EYS: variants seen among roughly 807,000 people sequenced by gnomAD.
EYS encodes protein eyes shut homolog.
Under a neutral mutation model 282.1 loss-of-function variants are expected in EYS, and 250 were observed. That is an observed-to-expected ratio of 0.89 (90% CI 0.80 to 0.98). The LOEUF is 0.98. EYS is among the 50% of genes least tolerant of loss of function. The probability of loss-of-function intolerance (pLI) is 0.00; values close to 1 mark genes in which losing one functional copy is unlikely to be tolerated. For missense variants in EYS, 4,016 were observed against 3,709.0 expected (o/e 1.08, Z -2.15); for synonymous variants, 1,355 against 1,282.9 (o/e 1.06, Z -1.20).
chr6:64,705,607 G>A (rs1203642352), intron 22 of EYS, among the ~76,000 whole-genome samples: 1 of 151,762 alleles, frequency 6.6e-6, no homozygotes, highest in Non-Finnish European at 1.5e-5. Flanking sequence ...ACTGGGTTAA[G>A]AAAATGTGGC....
At position 65,384,496 on chromosome 6, in the gene EYS, T is replaced by C. The variant is rs1365596246; in HGVS notation, c.1189A>G (p.Ile397Val). Residue 397 changes from isoleucine (I) to valine (V), a missense_variant, in exon 8 of 43, where the codon ATA becomes GTA. Coordinates refer to ENST00000503581, the MANE Select transcript of EYS (RefSeq NM_001142800.2). Reference protein sequence around the residue: ...KCEKDYPCSCISGFTEKNCEK... With the variant: ...KCEKDYPCSCVSGFTEKNCEK... Reference sequence around the variant, plus strand: ...CAGTTTTTTTCAGTAAATCCTGATATACAGCTGTAAATACATCAGTGTAAA... The same window carrying C: ...CAGTTTTTTTCAGTAAATCCTGATACACAGCTGTAAATACATCAGTGTAAA... The C allele has an allele frequency of 6.6e-7, 1 of 1,517,434 alleles. No individual in the cohort carries two copies. The highest frequency in any genetic ancestry group is 1.7e-5 in the Admixed American group (1 of 59,586). 94.0% of individuals were successfully genotyped at this position (1,517,434 alleles called of 1,614,324 possible).
In EYS at chr6:64,962,568, C is replaced by CA. The variant is rs560078542; in HGVS notation, c.2260-16655dup. 3.6e-3 allele frequency among the ~76,000 whole-genome samples: 472 copies of CA among 130,336 alleles called. 4 individuals are homozygous for CA. Among genetic ancestry groups the CA allele is most frequent in the African/African-American group, 5.7e-3 (201 of 35,154 alleles). 85.5% of individuals were successfully genotyped at this position (130,336 alleles called of 152,430 possible). On this transcript the variant is annotated intron_variant, in intron 14 of 42. Coordinates refer to ENST00000503581, the MANE Select transcript of EYS (RefSeq NM_001142800.2). ...AACATAGGAAGACACCCTATCTTTACAAAAAAAAAAGAAAAGAAAAAAAAA... is the reference window on the plus strand; with the variant it reads ...AACATAGGAAGACACCCTATCTTTACAAAAAAAAAAAGAAAAGAAAAAAAAA...
chr6:64,859,075 G>A (rs981513634), intron 19 of EYS, among the ~76,000 whole-genome samples: 2 of 151,682 alleles, frequency 1.3e-5, no homozygotes. Context: ...CTCATATATA[G>A]AAAATGCTAA....
At chr6:63,780,941 G>T (rs1770206428) in intron 39 of EYS, among the ~76,000 whole-genome samples, 1 of 152,194 alleles carries the variant, frequency 6.6e-6, no homozygotes, top group Non-Finnish European at 1.5e-5. Flanking sequence ...TGTAAGGAAG[G>T]AATCCAGTTT....
chr6:64,848,121 C>T (rs1192662940), intron 19 of EYS, among the ~76,000 whole-genome samples: 1 of 151,872 alleles, frequency 6.6e-6, no homozygotes, highest in African/African-American at 2.4e-5. Context: ...GTCTACTGCC[C>T]CAGTTCCTGA....
intron 26 of EYS, among the ~76,000 whole-genome samples, chr6:64,555,048 G>A (rs1355276608): frequency 2.0e-5 from 3 of 151,816 alleles, no homozygotes; most frequent in South Asian, 2.1e-4. Flanking sequence ...AAATCAGTAC[G>A]TCAAAAAGAT....
intron 12 of EYS, among the ~76,000 whole-genome samples, chr6:65,253,368 C>T (rs150932884): frequency 2.0e-3 from 308 of 151,946 alleles, no homozygotes; most frequent in Middle Eastern, 0.01. Context: ...TGTGTTGTAG[C>T]TTCTGCCTTT....
intron 36 of EYS, chr6:63,821,223 C>A (rs935253714): frequency 2.1e-5 from 3 of 143,998 alleles, no homozygotes; most frequent in African/African-American, 5.1e-5. Flanking sequence ...TGGAAAATTT[C>A]TTATTTCTAA....
At chr6:63,729,122 T>C (rs913517329) in intron 41 of EYS, among the ~76,000 whole-genome samples, 3 of 152,180 alleles carry the variant, frequency 2.0e-5, no homozygotes, top group Non-Finnish European at 4.4e-5. Flanking sequence ...CTGAATATCT[T>C]CTGTAGTGAG....
chr6:64,200,512 A>G (rs1266862092), intron 31 of EYS, among the ~76,000 whole-genome samples: 2 of 152,158 alleles, frequency 1.3e-5, no homozygotes, highest in Non-Finnish European at 1.5e-5. Flanking sequence ...ATACTAGCCT[A>G]TGGTAAGTAA....
chr6:65,264,713 C>T (rs188560382), intron 12 of EYS, among the ~76,000 whole-genome samples: 1 of 151,906 alleles, frequency 6.6e-6, no homozygotes, highest in Non-Finnish European at 1.5e-5. Flanking sequence ...GAATCTCTTT[C>T]ACTGTTTAAA....
chr6:65,280,865 A>AAT (rs1554178611), intron 12 of EYS, among the ~76,000 whole-genome samples: 4,981 of 135,854 alleles, frequency 0.037, 155 homozygotes, highest in Non-Finnish European at 0.056. Flanking sequence ...TAAAAAAAAA[A>AAT]ATATATATAT....
At position 65,495,079 on chromosome 6, in the gene EYS, A is replaced by C; in HGVS notation, c.332T>G (p.Phe111Cys). ...INLMNVSETSFVGCVQNTTTE... is the reference protein window; with the variant it reads ...INLMNVSETSCVGCVQNTTTE... Reference sequence around the variant, plus strand: ...TGTGGTATTTTGCACACAGCCAACGAAAGATGTTTCAGAAACATTCATCAA... The same window carrying C: ...TGTGGTATTTTGCACACAGCCAACGCAAGATGTTTCAGAAACATTCATCAA... The change falls in exon 4 of 43, where the codon TTC becomes TGC. Residue 111 changes from phenylalanine to cysteine, a missense_variant. Transcript: ENST00000503581. 2 of 1,614,222 alleles carry C rather than the reference A, an allele frequency of 1.2e-6. No individual in the cohort carries two copies. Among genetic ancestry groups the C allele is most frequent in the African/African-American group, 2.7e-5 (2 of 75,056 alleles).
chr6:64,350,878 T>A (rs1482181310), intron 29 of EYS, among the ~76,000 whole-genome samples: 1 of 151,484 alleles, frequency 6.6e-6, no homozygotes, highest in East Asian at 2.0e-4. Flanking sequence ...CTGTCCCCCA[T>A]GCTGTTCTTG....
At chr6:63,979,204 A>G (rs533661199) in intron 35 of EYS, among the ~76,000 whole-genome samples, 1 of 152,068 alleles carries the variant, frequency 6.6e-6, no homozygotes, top group East Asian at 1.9e-4. Flanking sequence ...AACACAACAC[A>G]GTCATATCCA....
chr6:65,230,476 C>T (rs142002742), intron 12 of EYS, among the ~76,000 whole-genome samples: 275 of 151,988 alleles, frequency 1.8e-3, no homozygotes, highest in African/African-American at 6.4e-3. Flanking sequence ...CAATGCCATA[C>T]ATTTTAATAC....
intron 30 of EYS, among the ~76,000 whole-genome samples, chr6:64,292,675 C>T (rs1768757970): frequency 6.6e-6 from 1 of 152,000 alleles, no homozygotes; most frequent in African/African-American, 2.4e-5. Flanking sequence ...TGTGACCCCT[C>T]CCCAACCAAA....
chr6:64,950,540 C>T (rs912573483), intron 14 of EYS, among the ~76,000 whole-genome samples: 3 of 150,304 alleles, frequency 2.0e-5, no homozygotes, highest in Admixed American at 6.6e-5. Context: ...TGGAAATATG[C>T]CAGAAATGGA....
In EYS at chr6:64,372,009, C is replaced by T. The variant is rs146862071; in HGVS notation, c.6078+16681G>A. 4.2e-3 allele frequency among the ~76,000 whole-genome samples: 643 copies of T among 151,962 alleles called. 1 individual carries two copies. Among genetic ancestry groups the T allele is most frequent in the Non-Finnish European group, 7.4e-3 (503 of 67,962 alleles). On this transcript the variant is annotated intron_variant, in intron 29 of 42. Transcript: ENST00000503581. ...TTTTAATTGAAGCATTTAGACTGTT[C>T]ACTTTCAAGTGAACATGTATTGACA...
Sources: gnomAD v4.1 joint callset for allele counts (sites outside exome capture counted in the v4.1 genomes callset) on GRCh38, gnomAD v4.1.1 for gene constraint, MANE v1.5 for transcripts, NCBI Gene and HGNC (gene_info 2026-07-23, HGNC 2026-07-21) for gene names.